Variants in CSF2RB observed in about 807,000 individuals in gnomAD.
CSF2RB encodes colony stimulating factor 2 receptor subunit beta.
In CSF2RB, 22 loss-of-function variants were observed where a neutral mutation model predicts 67.2. The observed-to-expected ratio is 0.33, with a 90% CI of 0.23 to 0.47. The LOEUF is 0.47. Ranked by LOEUF, CSF2RB falls within the 20% of genes least tolerant of loss-of-function variation. The pLI is 1.00. For synonymous variants in CSF2RB, 507 were observed against 482.9 expected, an observed-to-expected ratio of 1.05 and a Z score of -0.65; for missense variants, 1,113 against 1,174.5, an observed-to-expected ratio of 0.95 and a Z score of 0.76.
At position 36,938,055 on chromosome 22, in the gene CSF2RB, C is replaced by A. The variant is rs758280492; in HGVS notation, c.2247C>A (p.Ala749=). ...DQTPSLCPGL[A]SGPPGAPGPV... ...CCCCCAGCTTATGTCCTGGGCTGGC[C>A]AGTGGACCCCCTGGAGCCCCAGGCC... is the stretch of plus-strand genomic sequence containing the variant. Residue 749 remains alanine, a synonymous_variant, in exon 14 of 14, where the codon GCC becomes GCA. Coordinates refer to ENST00000403662, the MANE Select transcript of CSF2RB (RefSeq NM_000395.3). The A allele has an allele frequency of 1.9e-6, 3 of 1,613,970 alleles. No homozygotes were observed. Among genetic ancestry groups the A allele is most frequent in the Admixed American group, 1.7e-5 (1 of 60,010 alleles).
At chr22:36,926,293 T>C in intron 4 of CSF2RB, 116 bp downstream of exon 4, 1 of 1,028,008 alleles carries the variant, frequency 9.7e-7, no homozygotes, top group South Asian at 1.4e-5. Context: ...TGGGTGAGGG[T>C]TTCTTGAGGG....
intron 3 of CSF2RB, among the ~76,000 whole-genome samples, chr22:36,925,105 C>A (rs1940982198): frequency 6.6e-6 from 1 of 152,246 alleles, no homozygotes; most frequent in African/African-American, 2.4e-5. Flanking sequence ...TCTGTCTTCC[C>A]CATCTCCCTT....
At chr22:36,925,832 C>T (rs984492946) in intron 3 of CSF2RB, among the ~76,000 whole-genome samples, 155 bp from the exon 4 acceptor site, 20 of 152,214 alleles carry the variant, frequency 1.3e-4, no homozygotes, top group Non-Finnish European at 7.3e-5. Context: ...CCCCTTCTCC[C>T]AGGATGGCAG....
intron 13 of CSF2RB, 132 bp downstream of exon 13, chr22:36,936,784 T>A: frequency 1.4e-6 from 1 of 732,672 alleles, no homozygotes; most frequent in Non-Finnish European, 2.2e-6. Flanking sequence ...TGGTTTGCAC[T>A]AAAGCAGGAG....
intron 2 of CSF2RB, chr22:36,922,523 G>A (rs868710042): frequency 1.7e-6 from 1 of 593,800 alleles, no homozygotes; most frequent in Non-Finnish European, 3.0e-6. Context: ...ATTTCTCAGG[G>A]CGGCACTCCC....
At chr22:36,916,984 G>C (rs867239474) in intron 1 of CSF2RB, among the ~76,000 whole-genome samples, 7 of 152,342 alleles carry the variant, frequency 4.6e-5, no homozygotes, top group Middle Eastern at 6.8e-3. Flanking sequence ...ACAATAGTGA[G>C]AGCCTCCTGT....
chr22:36,917,022 G>A (rs935484084), intron 1 of CSF2RB, among the ~76,000 whole-genome samples: 2 of 152,144 alleles, frequency 1.3e-5, no homozygotes, highest in Non-Finnish European at 2.9e-5. Flanking sequence ...GGACACTAAC[G>A]TGCCCCCTTG....
chr22:36,931,857 G>A (rs1288854884), intron 8 of CSF2RB, among the ~76,000 whole-genome samples: 2 of 152,134 alleles, frequency 1.3e-5, no homozygotes, highest in African/African-American at 2.4e-5. Flanking sequence ...TGTTACAGCC[G>A]CTTTATTGGG....
chr22:36,930,863 T>G, intron 8 of CSF2RB, 33 bp downstream of exon 8: 1 of 1,613,006 alleles, frequency 6.2e-7, no homozygotes, highest in Non-Finnish European at 8.5e-7. Context: ...GTGGGGATGG[T>G]CTGGGACCAG....
Position 36,922,160 on chromosome 22 carries a change from C to T in CSF2RB, c.-48C>T. 2 of 1,515,532 alleles carry T rather than the reference C, an allele frequency of 1.3e-6. No homozygotes were observed. The highest frequency in any genetic ancestry group is 8.9e-7 in the Non-Finnish European group (1 of 1,117,770). The allele number at this position is 1,515,532 out of a possible 1,614,324, so 93.9% of individuals were successfully genotyped here. A position where few individuals can be genotyped will look rare whatever the true frequency, so the allele number is the denominator to read the frequency against. On this transcript the variant is annotated 5_prime_UTR_variant, in exon 2 of 14. Coordinates refer to ENST00000403662, the MANE Select transcript of CSF2RB (RefSeq NM_000395.3). ...CTAAGGACCCTGTCATGCCCATGGCCAGCACCCACCAGTGCTGGTGCCTGC... is the reference window on the plus strand; with the variant it reads ...CTAAGGACCCTGTCATGCCCATGGCTAGCACCCACCAGTGCTGGTGCCTGC...
chr22:36,922,768 C>T (rs1187891644), intron 2 of CSF2RB: 4 of 282,746 alleles, frequency 1.4e-5, no homozygotes, highest in Non-Finnish European at 2.1e-5. Flanking sequence ...AGAGACCTGG[C>T]TTCTGTGATA....
chr22:36,916,935 T>C (rs1569128898), intron 1 of CSF2RB, among the ~76,000 whole-genome samples: 1 of 152,218 alleles, frequency 6.6e-6, no homozygotes. Context: ...GCATTGAATT[T>C]AGAGATGATC....
intron 12 of CSF2RB, among the ~76,000 whole-genome samples, 175 bp downstream of exon 12, chr22:36,935,862 C>T (rs1346284761): frequency 6.6e-6 from 1 of 152,160 alleles, no homozygotes; most frequent in African/African-American, 2.4e-5. Context: ...CCCGGGATTC[C>T]CTGGAGTGCC....
chr22:36,922,279 A>G lies in CSF2RB; in HGVS notation c.72A>G (p.Ala24=). 6.4e-7 allele frequency: 1 copy of G among 1,574,798 alleles called. No homozygotes were observed. Among genetic ancestry groups the G allele is most frequent in the Non-Finnish European group, 8.6e-7 (1 of 1,160,288 alleles). The change falls in exon 2 of 14, where the codon GCA becomes GCG. Residue 24 remains alanine (A), a synonymous_variant. Coordinates refer to ENST00000403662, the MANE Select transcript of CSF2RB (RefSeq NM_000395.3). ...ALCWERSLAG[A]EETIPLQTLR... ...GCTGGGAGCGCAGCCTGGCAGGGGC[A>G]GAAGGTGAGTCCCGTGGCTCCCACC...
At chr22:36,921,696 A>G (rs1940874364) in intron 1 of CSF2RB, among the ~76,000 whole-genome samples, 1 of 152,108 alleles carries the variant, frequency 6.6e-6, no homozygotes, top group South Asian at 2.1e-4. Flanking sequence ...TGTGGAAGTG[A>G]GGACATGTGT....
At chr22:36,925,158 G>A (rs150233087) in intron 3 of CSF2RB, among the ~76,000 whole-genome samples, 78 of 152,292 alleles carry the variant, frequency 5.1e-4, no homozygotes, top group African/African-American at 1.9e-3. Flanking sequence ...ACAACAGGGA[G>A]GATTTTGTTT....
At chr22:36,931,206 A>ATG (rs1321007042) in intron 8 of CSF2RB, among the ~76,000 whole-genome samples, 1 of 152,084 alleles carries the variant, frequency 6.6e-6, no homozygotes, top group Non-Finnish European at 1.5e-5. Flanking sequence ...TCTATCTTTA[A>ATG]TGTAATTGAT....
chr22:36,920,717 A>G (rs1043452045), intron 1 of CSF2RB, among the ~76,000 whole-genome samples: 4 of 152,214 alleles, frequency 2.6e-5, no homozygotes, highest in Non-Finnish European at 4.4e-5. Flanking sequence ...GATGTCTCCT[A>G]TGCTTTTAAG....
intron 12 of CSF2RB, 99 bp downstream of exon 12, chr22:36,935,786 G>A (rs1488479294): frequency 1.5e-6 from 2 of 1,346,594 alleles, no homozygotes; most frequent in Non-Finnish European, 2.1e-6. Context: ...GGCTTTGGGT[G>A]GTAGGGATGT....
Sources: allele counts gnomAD v4.1 joint callset (sites outside exome capture counted in the v4.1 genomes callset), GRCh38; gene constraint gnomAD v4.1.1; transcripts MANE v1.5; gene names NCBI Gene and HGNC (gene_info 2026-07-23, HGNC 2026-07-21).